SLC39A12: variants seen among roughly 807,000 people sequenced by gnomAD.
The protein encoded by SLC39A12 is zinc transporter ZIP12.
Under a neutral mutation model 71.1 loss-of-function variants are expected in SLC39A12, and 63 were observed. The observed-to-expected ratio is 0.89, with a 90% CI of 0.72 to 1.09. The LOEUF (loss-of-function observed/expected upper bound fraction) is 1.09. Among genes scored for constraint, SLC39A12 ranks in the 50% least tolerant of loss-of-function variants. SLC39A12 has a pLI of 0.00. For missense variants in SLC39A12, 892 were observed against 812.6 expected (o/e 1.10, Z -1.19); for synonymous variants, 351 against 301.3 (o/e 1.16, Z -1.71).
chr10:17,957,189 T>G (rs781880090), intron 2 of SLC39A12, among the ~76,000 whole-genome samples: 15 of 152,172 alleles, frequency 9.9e-5, no homozygotes, highest in Non-Finnish European at 1.9e-4. Flanking sequence ...CTTACTGATG[T>G]AGGAGAAGAC....
At chr10:17,979,319 C>T (rs1359653480) in intron 5 of SLC39A12, among the ~76,000 whole-genome samples, 2 of 152,228 alleles carry the variant, frequency 1.3e-5, no homozygotes, top group South Asian at 2.1e-4. Context: ...AGACCAAGGG[C>T]GCAGAAGTTT....
intron 12 of SLC39A12, among the ~76,000 whole-genome samples, chr10:18,025,090 T>G (rs1836638368): frequency 6.6e-6 from 1 of 152,240 alleles, no homozygotes; most frequent in Non-Finnish European, 1.5e-5. Context: ...AGTGATTGCT[T>G]AGTTGAATCA....
chr10:17,993,054 A>G (rs924938553), intron 8 of SLC39A12, 127 bp from the exon 9 acceptor site: 1 of 563,730 alleles, frequency 1.8e-6, no homozygotes, highest in African/African-American at 1.9e-5. Flanking sequence ...TTCTTAAAGC[A>G]TCCCAGTTCT....
intron 12 of SLC39A12, 80 bp downstream of exon 12, chr10:18,003,438 G>A: frequency 3.2e-6 from 4 of 1,247,396 alleles, no homozygotes; most frequent in South Asian, 1.5e-5. Context: ...AAAAATGGAA[G>A]GATAAATGAG....
intron 4 of SLC39A12, among the ~76,000 whole-genome samples, chr10:17,966,669 T>G (rs938411500): frequency 1.3e-5 from 2 of 152,050 alleles, no homozygotes; most frequent in East Asian, 1.9e-4. Flanking sequence ...AACGATTCCT[T>G]AATATCATAA....
At chr10:17,965,897 A>C (rs796794485) in intron 4 of SLC39A12, among the ~76,000 whole-genome samples, 1 of 152,350 alleles carries the variant, frequency 6.6e-6, no homozygotes, top group East Asian at 1.9e-4. Flanking sequence ...AAAAACATGG[A>C]CTTGGCCTAT....
chr10:18,011,594 C>T (rs544050414), intron 12 of SLC39A12, among the ~76,000 whole-genome samples: 1 of 152,144 alleles, frequency 6.6e-6, no homozygotes, highest in South Asian at 2.1e-4. Context: ...AGCATCCTAA[C>T]CCCCACATTG....
intron 9 of SLC39A12, 69 bp downstream of exon 9, chr10:17,993,360 T>A: frequency 9.5e-7 from 1 of 1,053,728 alleles, no homozygotes; most frequent in Non-Finnish European, 1.4e-6. Flanking sequence ...AATGAACAAA[T>A]GAAAATCAGT....
chr10:18,012,076 A>C (rs1280386039), intron 12 of SLC39A12, among the ~76,000 whole-genome samples: 1 of 152,170 alleles, frequency 6.6e-6, no homozygotes, highest in African/African-American at 2.4e-5. Flanking sequence ...AAAAGACCTA[A>C]ATTCAAAACA....
In SLC39A12 at chr10:17,953,315, A is replaced by G. The variant is rs782653471; in HGVS notation, c.39A>G (p.Pro13=). 15 of 1,614,186 alleles carry G rather than the reference A, an allele frequency of 9.3e-6. No individual in the cohort carries two copies. Among genetic ancestry groups the G allele is most frequent in the Middle Eastern group, 1.6e-4 (1 of 6,062 alleles). The change falls in exon 2 of 13, where the codon CCA becomes CCG. Residue 13 remains proline (P), a synonymous_variant. Transcript: ENST00000377369. ...FRTKLSVSWV[P]LFLLLSRVFS... is the part of the protein sequence containing the mutation. The stretch of plus-strand genomic sequence containing the variant: ...CAAAGCTCTCAGTATCCTGGGTGCC[A>G]TTGTTTCTTCTACTCAGCCGTGTTT...
chr10:18,023,519 T>C (rs111967527), intron 12 of SLC39A12, among the ~76,000 whole-genome samples: 121 of 152,004 alleles, frequency 8.0e-4, no homozygotes, highest in African/African-American at 2.7e-3. Context: ...AACTTCATGA[T>C]GGAGTGACAC....
At chr10:18,030,625 T>C (rs1413024641) in intron 12 of SLC39A12, among the ~76,000 whole-genome samples, 2 of 29,832 alleles carry the variant, frequency 6.7e-5, no homozygotes, top group African/African-American at 1.6e-4. Context: ...TATTTATGTA[T>C]TTATTTATTT....
chr10:18,021,754 G>A (rs80203977), intron 12 of SLC39A12, among the ~76,000 whole-genome samples: 6,887 of 152,226 alleles, frequency 0.045, 221 homozygotes, highest in Middle Eastern at 0.11. Context: ...GTGGTGTCAG[G>A]TAATGGTCTT....
intron 12 of SLC39A12, among the ~76,000 whole-genome samples, chr10:18,035,699 G>T (rs529750511): frequency 1.3e-5 from 2 of 152,242 alleles, no homozygotes; most frequent in Non-Finnish European, 2.9e-5. Flanking sequence ...GAGGAACTGC[G>T]TTCCGCTGGA....
At chr10:18,013,346 T>TTTTTTATTATTATTATTATTATTA (rs57028037) in intron 12 of SLC39A12, among the ~76,000 whole-genome samples, 3 of 139,846 alleles carry the variant, frequency 2.1e-5, no homozygotes, top group Admixed American at 7.2e-5. Flanking sequence ...TCCAACTTTA[T>TTTTTTATTATTATTATTATTATTA]TTATTATTAT....
intron 4 of SLC39A12, among the ~76,000 whole-genome samples, chr10:17,973,731 G>T (rs1366415978): frequency 6.6e-6 from 1 of 151,968 alleles, no homozygotes; most frequent in Non-Finnish European, 1.5e-5. Context: ...GGTCAAATCT[G>T]CTTGGTGTTC....
Position 17,987,495 on chromosome 10 carries a change from G to C in SLC39A12, c.1113G>C (p.Thr371=). ...TTGACTTAGAATACGGCTACAGCAC[G>C]GTGGCTGTCACCCTTCTCACACTGG... ...PTTLEKYGYS[T]VAVTLLTLGS... is the part of the protein sequence containing the mutation. Residue 371 remains threonine, a synonymous_variant, in exon 7 of 13, where the codon ACG becomes ACC. Transcript: ENST00000377369. 3 of 1,613,920 alleles carry C rather than the reference G, an allele frequency of 1.9e-6. No individual in the cohort carries two copies. Among genetic ancestry groups the C allele is most frequent in the Non-Finnish European group, 2.5e-6 (3 of 1,179,946 alleles).
chr10:18,010,359 C>T (rs1264924540), intron 12 of SLC39A12, among the ~76,000 whole-genome samples: 1 of 152,116 alleles, frequency 6.6e-6, no homozygotes. Flanking sequence ...TATTTGTTTT[C>T]AACAAATATT....
At chr10:18,012,985 A>C (rs1310160357) in intron 12 of SLC39A12, among the ~76,000 whole-genome samples, 1 of 152,134 alleles carries the variant, frequency 6.6e-6, no homozygotes. Context: ...ATCTAAACAA[A>C]ACTCAGAATT....
Sources: gnomAD v4.1 joint callset for allele counts (sites outside exome capture counted in the v4.1 genomes callset) on GRCh38, gnomAD v4.1.1 for gene constraint, MANE v1.5 for transcripts, NCBI Gene and HGNC (gene_info 2026-07-23, HGNC 2026-07-21) for gene names.